Variants in SRGAP2C observed in about 807,000 individuals in gnomAD.
The protein encoded by SRGAP2C is SLIT-ROBO Rho GTPase-activating protein 2C.
In SRGAP2C, 15 loss-of-function variants were observed where a neutral mutation model predicts 25.1. The ratio of observed to expected loss-of-function variants is 0.60; its 90% confidence interval spans 0.40 to 0.92. The LOEUF (loss-of-function observed/expected upper bound fraction) is 0.92. SRGAP2C is among the 40% of genes least tolerant of loss of function. The pLI is 0.00. For missense variants in SRGAP2C, 144 were observed against 264.4 expected, an observed-to-expected ratio of 0.54 and a Z score of 3.16; for synonymous variants, 44 against 96.6, an observed-to-expected ratio of 0.46 and a Z score of 3.19.
chr1:121,265,917 C>T (rs1198704233), intron 2 of SRGAP2C, among the ~76,000 whole-genome samples: 1 of 151,554 alleles, frequency 6.6e-6, no homozygotes, highest in Admixed American at 6.6e-5. Flanking sequence ...TTCTAGTTGA[C>T]AATTGGGTTT....
intron 5 of SRGAP2C, among the ~76,000 whole-genome samples, chr1:121,367,981 CA>C (rs1553349932): frequency 9.3e-6 from 1 of 107,658 alleles, no homozygotes; most frequent in Non-Finnish European, 1.9e-5. Flanking sequence ...GAGGCTGAGG[CA>C]GGAGAATGGC....
intron 2 of SRGAP2C, among the ~76,000 whole-genome samples, chr1:121,266,254 C>T (rs1656778106): frequency 1.3e-5 from 2 of 150,180 alleles, no homozygotes; most frequent in Non-Finnish European, 1.5e-5. Context: ...GGATTATAGG[C>T]TTGAGCCACC....
In SRGAP2C at chr1:121,313,831, C is replaced by T. The variant is rs1553340246; in HGVS notation, c.261-10647C>T. 3.1e-3 allele frequency among the ~76,000 whole-genome samples: 396 copies of T among 127,116 alleles called. 2 individuals are homozygous for T. Among genetic ancestry groups the T allele is most frequent in the African/African-American group, 0.011 (353 of 32,936 alleles). 83.4% of individuals were successfully genotyped at this position (127,116 alleles called of 152,430 possible). On this transcript the variant is annotated intron_variant, in intron 3 of 9. Transcript: ENST00000367123. ...GATGGGCTTCCCTTTGAGGGTAACC[C>T]GACCTTTCTCTCTGGCTGCCCTTAA...
intron 3 of SRGAP2C, among the ~76,000 whole-genome samples, chr1:121,314,569 G>C (rs1658050629): frequency 6.6e-6 from 1 of 151,540 alleles, no homozygotes; most frequent in African/African-American, 2.4e-5. Context: ...CTCTACTTTT[G>C]GTCTTTGATG....
intron 2 of SRGAP2C, among the ~76,000 whole-genome samples, chr1:121,211,111 C>T (rs1475175003): frequency 2.0e-5 from 3 of 150,542 alleles, no homozygotes; most frequent in Non-Finnish European, 4.4e-5. Context: ...AAGGATCCTT[C>T]TCTTCAACCT....
intron 2 of SRGAP2C, among the ~76,000 whole-genome samples, chr1:121,283,789 G>A (rs1657302740): frequency 6.6e-6 from 1 of 151,816 alleles, no homozygotes; most frequent in South Asian, 2.1e-4. Context: ...CCTTCTCTGA[G>A]CTGAAAATCA....
chr1:121,332,614 C>G (rs1236729187), intron 4 of SRGAP2C, among the ~76,000 whole-genome samples: 29 of 150,884 alleles, frequency 1.9e-4, no homozygotes, highest in African/African-American at 7.1e-4. Flanking sequence ...ATTGCCACAA[C>G]AGTCAGATTT....
Position 121,288,696 on chromosome 1 carries a change from A to G in SRGAP2C, c.260+3701A>G, listed in dbSNP as rs1431505146. ...ATATAGAGTGCCGATTGGTGTATTT[A>G]CAATCTCTGAGCTAGACATAAAGGT... is the stretch of plus-strand genomic sequence containing the variant. On this transcript the variant is annotated intron_variant, in intron 3 of 9. Coordinates refer to ENST00000367123, the MANE Select transcript of SRGAP2C (RefSeq NM_001329984.2). Among the ~76,000 whole-genome samples, 5 of 64,276 alleles carry G rather than the reference A, an allele frequency of 7.8e-5. 2 individuals are homozygous for G. The highest frequency in any genetic ancestry group is 3.0e-4 in the African/African-American group (5 of 16,484). The allele number at this position is 64,276 out of a possible 152,430, so 42.2% of individuals were successfully genotyped here.
intron 7 of SRGAP2C, among the ~76,000 whole-genome samples, chr1:121,375,195 G>C (rs1187880308): frequency 6.7e-6 from 1 of 148,420 alleles, no homozygotes; most frequent in Non-Finnish European, 1.5e-5. Flanking sequence ...TTAACAGAGA[G>C]TTTAGATGAC....
At chr1:121,283,836 G>A (rs1657304119) in intron 2 of SRGAP2C, among the ~76,000 whole-genome samples, 1 of 151,630 alleles carries the variant, frequency 6.6e-6, no homozygotes, top group Non-Finnish European at 1.5e-5. Flanking sequence ...TGAGTGCCAG[G>A]TCTCTTGTCA....
At chr1:121,230,147 C>T (rs1655779988) in intron 2 of SRGAP2C, among the ~76,000 whole-genome samples, 2 of 147,092 alleles carry the variant, frequency 1.4e-5, no homozygotes, top group African/African-American at 5.0e-5. Flanking sequence ...TACCGTTTAG[C>T]TTCATTAGGT....
At chr1:121,238,764 C>A (rs1469247696) in intron 2 of SRGAP2C, among the ~76,000 whole-genome samples, 1 of 148,916 alleles carries the variant, frequency 6.7e-6, no homozygotes, top group African/African-American at 2.5e-5. Context: ...CAATTGTGCA[C>A]CACTACACAC....
chr1:121,298,462 G>A (rs1400755770), intron 3 of SRGAP2C, among the ~76,000 whole-genome samples: 3 of 100,792 alleles, frequency 3.0e-5, no homozygotes, highest in African/African-American at 1.2e-4. Context: ...GGCCAGTGCA[G>A]TACAAACCTT....
At chr1:121,230,794 A>C (rs1282687079) in intron 2 of SRGAP2C, among the ~76,000 whole-genome samples, 1 of 152,146 alleles carries the variant, frequency 6.6e-6, no homozygotes, top group Admixed American at 6.5e-5. Flanking sequence ...CCAAATGCCC[A>C]TCAATGATAG....
Position 121,374,928 on chromosome 1 carries a change from A to T in SRGAP2C, c.805A>T (p.Ile269Phe). The T allele has an allele frequency of 1.3e-6, 1 of 778,502 alleles. No individual in the cohort carries two copies. Among genetic ancestry groups the T allele is most frequent in the South Asian group, 1.4e-5 (1 of 73,958 alleles). 48.2% of individuals were successfully genotyped at this position (778,502 alleles called of 1,614,324 possible). A position where few individuals can be genotyped will look rare whatever the true frequency, so the allele number is the denominator to read the frequency against. The change falls in exon 7 of 10, where the codon ATC becomes TTC. Residue 269 changes from isoleucine (I) to phenylalanine (F), a missense_variant. Ile to Phe is a conservative substitution (Grantham distance 21, BLOSUM62 0). This residue lies in a region of SRGAP2C where 34 missense variants were observed against 23.0 expected (regional missense o/e 1.48). Coordinates refer to ENST00000367123, the MANE Select transcript of SRGAP2C (RefSeq NM_001329984.2). ...CAATGCATCTGTCTTCAAGTACTAC[A>T]TCCATGACCTATCTGACCTTATTGA... ...ATNASVFKYY[I>F]HDLSDLIDQC...
rs1656646461 is a variant in SRGAP2C at position 121,262,451 on chromosome 1, T to TA, written c.68-22351dup. Among the ~76,000 whole-genome samples the TA allele has an allele frequency of 2.9e-5, 2 of 68,438 alleles. 1 individual carries two copies. The highest frequency in any genetic ancestry group is 1.3e-3 in the East Asian group (2 of 1,544). The allele number at this position is 68,438 out of a possible 152,430, so 44.9% of individuals were successfully genotyped here. On this transcript the variant is annotated intron_variant, in intron 2 of 9. Transcript: ENST00000367123. ...ATAGAGGCAATTAGGCAGAAATCTTTACTGTGAGCCTTAGCTGACCCAGGA... is the reference window on the plus strand; with the variant it reads ...ATAGAGGCAATTAGGCAGAAATCTTTAACTGTGAGCCTTAGCTGACCCAGGA...
At chr1:121,233,229 C>T (rs1160156317) in intron 2 of SRGAP2C, among the ~76,000 whole-genome samples, 3 of 96,444 alleles carry the variant, frequency 3.1e-5, no homozygotes, top group African/African-American at 7.8e-5. Flanking sequence ...TCATTGCAGC[C>T]TCCGCCTCCT....
intron 8 of SRGAP2C, among the ~76,000 whole-genome samples, chr1:121,386,120 G>A (rs1659955193): frequency 1.3e-5 from 1 of 74,182 alleles, no homozygotes; most frequent in African/African-American, 6.3e-5. Flanking sequence ...CTTTCACTCT[G>A]GTGTATGAAG....
chr1:121,230,883 C>T (rs1553327443), intron 2 of SRGAP2C, among the ~76,000 whole-genome samples: 2 of 151,198 alleles, frequency 1.3e-5, no homozygotes, highest in African/African-American at 4.9e-5. Flanking sequence ...ATGTCCTTTG[C>T]AGGGACATGG....
Sources: allele counts gnomAD v4.1 joint callset (sites outside exome capture counted in the v4.1 genomes callset), GRCh38; gene constraint gnomAD v4.1.1; regional missense constraint gnomAD v4.1.1; transcripts MANE v1.5; gene names NCBI Gene and HGNC (gene_info 2026-07-23, HGNC 2026-07-21).